ZNF618: variants seen among roughly 807,000 people sequenced by gnomAD.
ZNF618 encodes zinc finger protein 618, also known as neural precursor cell expressed, developmentally down-regulated 10.
ZNF618 carries 34 observed loss-of-function variants against 103.0 expected under a neutral mutation model. The observed-to-expected ratio is 0.33, with a 90% CI of 0.25 to 0.44. The LOEUF (loss-of-function observed/expected upper bound fraction) is 0.44. ZNF618 is among the 20% of genes least tolerant of loss of function. ZNF618 has a pLI of 1.00. For missense variants in ZNF618, 1,059 were observed against 1,295.4 expected (o/e 0.82, Z 2.80); for synonymous variants, 551 against 542.2 (o/e 1.02, Z -0.23).
intron 10 of ZNF618, among the ~76,000 whole-genome samples, chr9:114,017,709 A>G (rs1453407750): frequency 6.6e-6 from 1 of 152,156 alleles, no homozygotes; most frequent in African/African-American, 2.4e-5. Context: ...GTGGATGGGA[A>G]GACTTTGGTC....
chr9:113,881,510 T>G (rs1432375398), intron 1 of ZNF618, among the ~76,000 whole-genome samples: 1 of 152,354 alleles, frequency 6.6e-6, no homozygotes, highest in Middle Eastern at 3.4e-3. Context: ...ATTATTAATG[T>G]GACAAGTTAC....
At chr9:113,934,816 G>A (rs758429499) in intron 1 of ZNF618, among the ~76,000 whole-genome samples, 3 of 152,224 alleles carry the variant, frequency 2.0e-5, no homozygotes, top group Non-Finnish European at 2.9e-5. Context: ...GGCCTTGGGC[G>A]TGAGGATGTG....
intron 1 of ZNF618, among the ~76,000 whole-genome samples, chr9:113,883,983 C>CCCCG (rs1564125327): frequency 4.7e-4 from 8 of 17,036 alleles, no homozygotes; most frequent in African/African-American, 1.7e-3. Context: ...CTGGGCTTGG[C>CCCCG]CCCCCCCCCC....
At chr9:114,047,421 A>G (rs558100193) in intron 13 of ZNF618, among the ~76,000 whole-genome samples, 20 of 152,342 alleles carry the variant, frequency 1.3e-4, no homozygotes, top group Admixed American at 9.1e-4. Flanking sequence ...TAAAATTTCT[A>G]GTAAATATAC....
At chr9:113,963,928 T>C (rs1418547222) in intron 1 of ZNF618, among the ~76,000 whole-genome samples, 1 of 152,206 alleles carries the variant, frequency 6.6e-6, no homozygotes, top group Non-Finnish European at 1.5e-5. Context: ...TTGGTTGATG[T>C]CTGCGTGTCA....
intron 6 of ZNF618, among the ~76,000 whole-genome samples, chr9:114,004,985 C>T (rs562355644): frequency 6.6e-6 from 1 of 152,136 alleles, no homozygotes; most frequent in East Asian, 1.9e-4. Flanking sequence ...AAGATTAGCC[C>T]CTCATGCTAC....
intron 10 of ZNF618, among the ~76,000 whole-genome samples, chr9:114,025,471 C>T (rs550018382): frequency 8.3e-4 from 127 of 152,360 alleles, no homozygotes; most frequent in Non-Finnish European, 1.6e-3. Context: ...TTAGATATCT[C>T]TTGTGTGTAG....
At chr9:113,924,633 C>T (rs1024377344) in intron 1 of ZNF618, among the ~76,000 whole-genome samples, 3 of 151,618 alleles carry the variant, frequency 2.0e-5, no homozygotes, top group Admixed American at 1.3e-4. Context: ...GGTAGATGCT[C>T]AGATTATTGA....
rs1308207150 is a variant in ZNF618, at chr9:113,988,585, G to C, written c.337+5G>C. The C allele has an allele frequency of 3.1e-6, 5 of 1,601,468 alleles. No homozygotes were observed. The South Asian group carries it at 4.5e-5, about 14-fold the overall frequency. On this transcript the variant is annotated splice_donor_5th_base_variant and intron_variant, in intron 3 of 14. Transcript: ENST00000374126. ...TCCGCAACCAGCAGACCCTTGGTGAGTGCCCAGCGTCTGTGGTCAGGGTGG... is the reference window on the plus strand; with the variant it reads ...TCCGCAACCAGCAGACCCTTGGTGACTGCCCAGCGTCTGTGGTCAGGGTGG...
chr9:113,939,193 T>C (rs1834325489), intron 1 of ZNF618, among the ~76,000 whole-genome samples: 1 of 152,230 alleles, frequency 6.6e-6, no homozygotes, highest in Non-Finnish European at 1.5e-5. Context: ...TGGTATTATA[T>C]TGTTAAATAT....
At chr9:113,878,570 A>G (rs1828178824) in intron 1 of ZNF618, among the ~76,000 whole-genome samples, 1 of 152,222 alleles carries the variant, frequency 6.6e-6, no homozygotes, top group South Asian at 2.1e-4. Flanking sequence ...CCACCCAAAG[A>G]TGAAGCGTTT....
At chr9:114,024,795 T>C (rs1340735715) in intron 10 of ZNF618, among the ~76,000 whole-genome samples, 1 of 151,166 alleles carries the variant, frequency 6.6e-6, no homozygotes, top group African/African-American at 2.4e-5. Flanking sequence ...TGCACAAATA[T>C]AGTTTGGTAT....
intron 10 of ZNF618, among the ~76,000 whole-genome samples, chr9:114,025,958 T>A (rs1267495269): frequency 6.6e-6 from 1 of 152,164 alleles, no homozygotes; most frequent in East Asian, 1.9e-4. Flanking sequence ...GAGTTCCTGC[T>A]CTCTTGGAGC....
chr9:113,992,403 T>C (rs539417276), intron 3 of ZNF618, among the ~76,000 whole-genome samples: 24 of 152,146 alleles, frequency 1.6e-4, no homozygotes, highest in South Asian at 8.3e-4. Flanking sequence ...TCTGAAAGTG[T>C]ATGAAGGAGG....
intron 1 of ZNF618, among the ~76,000 whole-genome samples, chr9:113,894,056 T>C (rs1334594585): frequency 1.3e-5 from 2 of 152,222 alleles, no homozygotes; most frequent in African/African-American, 4.8e-5. Context: ...CAAGATGATT[T>C]TGTCAATTTC....
At chr9:113,904,956 T>A (rs963933677) in intron 1 of ZNF618, among the ~76,000 whole-genome samples, 1 of 152,228 alleles carries the variant, frequency 6.6e-6, no homozygotes, top group Non-Finnish European at 1.5e-5. Flanking sequence ...TTGCATCTGC[T>A]TGTAGCCTAA....
chr9:114,023,853 TA>T (rs1588378856), intron 10 of ZNF618, among the ~76,000 whole-genome samples: 1 of 152,180 alleles, frequency 6.6e-6, no homozygotes, highest in African/African-American at 2.4e-5. Context: ...ATTTAGTGTA[TA>T]TTTTTTCTCT....
At chr9:113,939,706 A>G (rs1834378996) in intron 1 of ZNF618, among the ~76,000 whole-genome samples, 1 of 152,032 alleles carries the variant, frequency 6.6e-6, no homozygotes, top group Admixed American at 6.5e-5. Flanking sequence ...TTATTTACAA[A>G]ATGGTCTATT....
intron 1 of ZNF618, among the ~76,000 whole-genome samples, chr9:113,879,395 C>CTTTTTTTTTTTTTTTTT (rs1828282806): frequency 1.3e-5 from 1 of 75,918 alleles, no homozygotes; most frequent in Non-Finnish European, 2.6e-5. Context: ...TTTTTTTTTT[C>CTTTTTTTTTTTTTTTTT]TGTTTTTTTT....
Sources: allele counts gnomAD v4.1 joint callset (sites outside exome capture counted in the v4.1 genomes callset), GRCh38; gene constraint gnomAD v4.1.1; transcripts MANE v1.5; gene names NCBI Gene and HGNC (gene_info 2026-07-23, HGNC 2026-07-21).